Variants in DNAJA4 observed in about 807,000 individuals in gnomAD.
The protein encoded by DNAJA4 is DnaJ heat shock protein family (Hsp40) member A4.
DNAJA4 carries 32 observed loss-of-function variants against 39.7 expected under a neutral mutation model. The ratio of observed to expected loss-of-function variants is 0.81; its 90% CI spans 0.61 to 1.08. DNAJA4 has a LOEUF of 1.08. DNAJA4 is among the 50% of genes least tolerant of loss of function. The probability of loss-of-function intolerance (pLI) is 0.00; values close to 1 mark genes in which losing one functional copy is unlikely to be tolerated. For missense variants in DNAJA4, 439 were observed against 505.1 expected, an observed-to-expected ratio of 0.87 and a Z score of 1.25; for synonymous variants, 184 against 182.4, an observed-to-expected ratio of 1.01 and a Z score of -0.07.
chr15:78,280,697 T>G lies in DNAJA4; in HGVS notation c.*237T>G. ...CCTCTAGTCTGCATATGGAATCTGT[T>G]CATTTCTATTTTCAGGATATACTTT... On this transcript the variant is annotated 3_prime_UTR_variant, in exon 7 of 7. Coordinates refer to ENST00000394852, the MANE Select transcript of DNAJA4 (RefSeq NM_001130182.2). 1 of 446,060 alleles carries G rather than the reference T, an allele frequency of 2.2e-6. No individual in the cohort carries two copies. Among genetic ancestry groups the G allele is most frequent in the South Asian group, 3.8e-5 (1 of 26,178 alleles). 27.6% of individuals were successfully genotyped at this position (446,060 alleles called of 1,614,324 possible). A position where few individuals can be genotyped will look rare whatever the true frequency, so the allele number is the denominator to read the frequency against.
chr15:78,273,460 G>T (rs996090809), intron 3 of DNAJA4, among the ~76,000 whole-genome samples: 1 of 152,172 alleles, frequency 6.6e-6, no homozygotes, highest in African/African-American at 2.4e-5. Context: ...AAGTTTTAGG[G>T]TGCATGTGCA....
In DNAJA4 at chr15:78,264,815, T is replaced by C; in HGVS notation, c.52T>C (p.Ser18Pro). 1 of 1,609,702 alleles carries C rather than the reference T, an allele frequency of 6.2e-7. No homozygotes were observed. The highest frequency in any genetic ancestry group is 8.5e-7 in the Non-Finnish European group (1 of 1,178,240). ...YDILGVKPSA[S>P]PEEIKKAYRK... Reference sequence around the variant, plus strand: ...CATCCTGGGCGTGAAGCCCAGCGCGTCCCCGGAGGAGATCAAGAAGGCCTA... The same window carrying C: ...CATCCTGGGCGTGAAGCCCAGCGCGCCCCCGGAGGAGATCAAGAAGGCCTA... The change falls in exon 1 of 7, where the codon TCC becomes CCC. Residue 18 changes from serine (S) to proline (P), a missense_variant. By Grantham distance (74) the Ser-to-Pro change is moderately conservative. Transcript: ENST00000394852.
intron 3 of DNAJA4, 75 bp from the exon 4 acceptor site, chr15:78,274,122 T>A: frequency 6.9e-7 from 1 of 1,445,096 alleles, no homozygotes; most frequent in Non-Finnish European, 9.4e-7. Flanking sequence ...TCCCTACCCT[T>A]CTGCCATGGC....
rs570620349 is a variant in DNAJA4 at position 78,279,973 on chromosome 15, C to T, written c.878-72C>T. 1.6e-5 allele frequency: 24 copies of T among 1,465,770 alleles called. No homozygotes were observed. Among genetic ancestry groups the T allele is most frequent in the Middle Eastern group, 3.5e-4 (2 of 5,714 alleles). 90.8% of individuals were successfully genotyped at this position (1,465,770 alleles called of 1,614,324 possible). A position where few individuals can be genotyped will look rare whatever the true frequency, so the allele number is the denominator to read the frequency against. ...GGGGCACTAGGGCCTGCCGCAGGCT[C>T]TCCCATGAGGGAGAACGACCTCTGC... On this transcript the variant is annotated intron_variant, in intron 5 of 6. Transcript: ENST00000394852. This position sits in a 1 kb window ranked among gnomAD's most constrained non-coding sequence, Gnocchi z 4.5.
At chr15:78,264,275 G>T (rs1269586726), upstream of DNAJA4, 2 of 1,327,604 alleles carry the variant, frequency 1.5e-6, no homozygotes, top group Non-Finnish European at 1.9e-6. Context: ...TTGTCGGAGG[G>T]CGCCCTCCAG....
In DNAJA4 at chr15:78,280,133, C is replaced by T. The variant is rs1451771986; in HGVS notation, c.966C>T (p.Ile322=). Residue 322 remains isoleucine, a synonymous_variant, in exon 6 of 7, where the codon ATC becomes ATT. Transcript: ENST00000394852. ...YKAPLEKGIL[I]IQFLVIFPEK... is the part of the protein sequence containing the mutation. ...CACCCCTGGAAAAAGGGATTCTGAT[C>T]ATACAGTTTTTAGTAAGTTCACTAT... is the stretch of plus-strand genomic sequence containing the variant. 1 of 1,614,166 alleles carries T rather than the reference C, an allele frequency of 6.2e-7. No individual in the cohort carries two copies. The highest frequency in any genetic ancestry group is 8.5e-7 in the Non-Finnish European group (1 of 1,179,994).
intron 1 of DNAJA4, chr15:78,265,458 A>T: frequency 1.4e-6 from 1 of 702,278 alleles, no homozygotes; most frequent in Non-Finnish European, 2.6e-6. Flanking sequence ...ATAGTGAATA[A>T]TCCCATTTTC....
In DNAJA4 at chr15:78,280,112, C is replaced by T; in HGVS notation, c.945C>T (p.Pro315=). The change falls in exon 6 of 7, where the codon CCC becomes CCT. Residue 315 remains proline (P), a synonymous_variant. Coordinates refer to ENST00000394852, the MANE Select transcript of DNAJA4 (RefSeq NM_001130182.2). The part of the protein sequence containing the change: ...RDEGMPIYKA[P]LEKGILIIQF... Reference sequence around the variant, plus strand: ...AAGGAATGCCCATCTACAAAGCACCCCTGGAAAAAGGGATTCTGATCATAC... The same window carrying T: ...AAGGAATGCCCATCTACAAAGCACCTCTGGAAAAAGGGATTCTGATCATAC... 6.2e-7 allele frequency: 1 copy of T among 1,614,080 alleles called. No individual in the cohort carries two copies. The highest frequency in any genetic ancestry group is 2.2e-5 in the East Asian group (1 of 44,878).
intron 2 of DNAJA4, among the ~76,000 whole-genome samples, chr15:78,271,119 A>T (rs1211871383): frequency 2.0e-5 from 3 of 152,198 alleles, no homozygotes; most frequent in Non-Finnish European, 4.4e-5. Context: ...CATTAACTTT[A>T]AAGAGTTTAT....
At chr15:78,277,933 G>GT in intron 5 of DNAJA4, 1 of 398,026 alleles carries the variant, frequency 2.5e-6, no homozygotes, top group Non-Finnish European at 4.9e-6. Flanking sequence ...TTTTGTTTTT[G>GT]TTTTTACTTT....
At chr15:78,264,400 G>C (rs913524108), upstream of DNAJA4, 5 of 1,391,286 alleles carry the variant, frequency 3.6e-6, no homozygotes, top group African/African-American at 3.0e-5. Flanking sequence ...CCAGGTGAGC[G>C]GCTGGGCCGC....
chr15:78,270,557 G>C lies in DNAJA4; in HGVS notation c.193G>C (p.Asp65His). ...AGATCCAAAGAAAAGGGATGTTTATGACCAAGGCGGAGAGCAGGCAATTAA... is the reference window on the plus strand; with the variant it reads ...AGATCCAAAGAAAAGGGATGTTTATCACCAAGGCGGAGAGCAGGCAATTAA... ...LSDPKKRDVY[D>H]QGGEQAIKEG... The change falls in exon 2 of 7, where the codon GAC (aspartate) becomes CAC (histidine). Residue 65 changes from aspartate to histidine, a missense_variant. Asp to His is a moderately conservative substitution (Grantham distance 81). Coordinates refer to ENST00000394852, the MANE Select transcript of DNAJA4 (RefSeq NM_001130182.2). The C allele has an allele frequency of 6.2e-7, 1 of 1,614,192 alleles. No homozygotes were observed. The highest frequency in any genetic ancestry group is 2.2e-5 in the East Asian group (1 of 44,886).
chr15:78,275,836 G>T (rs1294787988), intron 5 of DNAJA4, 108 bp downstream of exon 5: 17 of 749,884 alleles, frequency 2.3e-5, no homozygotes, highest in Admixed American at 5.3e-5. Context: ...CATATTGATG[G>T]GGTGCATGTG....
In DNAJA4 at chr15:78,274,284, G is replaced by C. The variant is rs149661275; in HGVS notation, c.506G>C (p.Gly169Ala). 1.2e-3 allele frequency: 1,877 copies of C among 1,614,184 alleles called. 31 individuals carry two copies. The South Asian group carries it at 0.017, about 15-fold the overall frequency. ...ATCCACATCCAGCAGATCGGGCCGG[G>C]CATGGTACAGCAGATCCAGACCGTG... ...MQIHIQQIGP[G>A]MVQQIQTVCI... Residue 169 changes from glycine to alanine, a missense_variant, in exon 4 of 7, where the codon GGC becomes GCC. Transcript: ENST00000394852.
At chr15:78,270,220 C>T (rs1042032019) in intron 1 of DNAJA4, 10 of 295,288 alleles carry the variant, frequency 3.4e-5, no homozygotes, top group African/African-American at 8.6e-5. Context: ...CTGGTGCAGC[C>T]GGATTAGTGA....
intron 1 of DNAJA4, among the ~76,000 whole-genome samples, chr15:78,267,438 G>A (rs1046634139): frequency 6.6e-6 from 1 of 151,408 alleles, no homozygotes; most frequent in African/African-American, 2.4e-5. Flanking sequence ...TGGGCACTCT[G>A]TATGGAGTCT....
chr15:78,264,534 A>C, upstream of DNAJA4: 1 of 1,214,544 alleles, frequency 8.2e-7, no homozygotes, highest in Non-Finnish European at 1.0e-6. Flanking sequence ...CGCCGAATAA[A>C]ACCCGCCGCG....
intron 2 of DNAJA4, among the ~76,000 whole-genome samples, chr15:78,272,230 G>A (rs978288315): frequency 1.3e-4 from 20 of 152,152 alleles, no homozygotes; most frequent in African/African-American, 3.9e-4. Context: ...CCAGCTACTC[G>A]GGAGGCTGAG....
chr15:78,270,472 ATCTC>A lies in DNAJA4; in HGVS notation c.133-11_133-8del, dbSNP rs536069277. ...CAAAACAACTGAAACTTCTCTAAAA[ATCTC>A]TCTCTCTCTCTCTTTTAAAGTTTAA... On this transcript the variant is annotated intron_variant, in intron 1 of 6. Coordinates refer to ENST00000394852, the MANE Select transcript of DNAJA4 (RefSeq NM_001130182.2). 800 of 1,540,936 alleles carry A rather than the reference ATCTC, an allele frequency of 5.2e-4. 2 individuals carry two copies. Among genetic ancestry groups the A allele is most frequent in the African/African-American group, 5.2e-3 (375 of 72,352 alleles).
Sources: allele counts gnomAD v4.1 joint callset (sites outside exome capture counted in the v4.1 genomes callset), GRCh38; gene constraint gnomAD v4.1.1; non-coding constraint Gnocchi (gnomAD v3.1); transcripts MANE v1.5; gene names NCBI Gene and HGNC (gene_info 2026-07-23, HGNC 2026-07-21).